RXRA: variants seen among roughly 807,000 people sequenced by gnomAD.
The protein encoded by RXRA is retinoid X receptor alpha.
RXRA carries 5 observed loss-of-function variants against 44.5 expected under a neutral mutation model. That is an observed-to-expected ratio of 0.11 (90% CI 0.06 to 0.24). RXRA has a LOEUF of 0.24. Ranked by LOEUF, RXRA falls within the 10% of genes least tolerant of loss-of-function variation. The pLI is 1.00. For missense variants in RXRA, 412 were observed against 646.5 expected, an observed-to-expected ratio of 0.64 and a Z score of 3.93; for synonymous variants, 291 against 271.4, an observed-to-expected ratio of 1.07 and a Z score of -0.71.
chr9:134,408,070 A>G lies in RXRA; in HGVS notation c.280-79A>G, dbSNP rs999125167. 33 of 1,124,300 alleles carry G rather than the reference A, an allele frequency of 2.9e-5. No individual in the cohort carries two copies. The Admixed American group carries it at 8.7e-4, about 30-fold the overall frequency. The allele number at this position is 1,124,300 out of a possible 1,614,324, so 69.6% of individuals were successfully genotyped here. A position where few individuals can be genotyped will look rare whatever the true frequency, so the allele number is the denominator to read the frequency against. ...GTGAAGTTGGGGGTACAGCTGCGCC[A>G]TCCTTGCTGCAGGGCCGTGGGGGAC... On this transcript the variant is annotated intron_variant, in intron 2 of 9. Transcript: ENST00000481739.
chr9:134,351,489 G>C lies in RXRA; in HGVS notation c.28+24830G>C, dbSNP rs186232794. On this transcript the variant is annotated intron_variant, in intron 1 of 9. Coordinates refer to ENST00000481739, the MANE Select transcript of RXRA (RefSeq NM_002957.6). Reference sequence around the variant, plus strand: ...AACTCTGCGTCTTCCCATGTGGGGAGCCCCAATAGGGCAGGGATCCTTCAC... The same window carrying C: ...AACTCTGCGTCTTCCCATGTGGGGACCCCCAATAGGGCAGGGATCCTTCAC... Among the ~76,000 whole-genome samples the C allele has an allele frequency of 6.3e-3, 955 of 152,342 alleles. 5 individuals carry two copies. Among genetic ancestry groups the C allele is most frequent in the South Asian group, 0.018 (86 of 4,830 alleles).
chr9:134,413,088 C>G (rs1455153950), intron 4 of RXRA, among the ~76,000 whole-genome samples: 1 of 152,136 alleles, frequency 6.6e-6, no homozygotes, highest in Non-Finnish European at 1.5e-5. Flanking sequence ...TCGAGTGTGG[C>G]CCTCTTGCCT....
In RXRA at chr9:134,436,491, G is replaced by A. The variant is rs766193481; in HGVS notation, c.1266G>A (p.Leu422=). ...GGTTCGCTAAGCTCTTGCTCCGCCT[G>A]CCGGCTCTGCGCTCCATCGGGCTCA... is the stretch of plus-strand genomic sequence containing the variant. ...PGRFAKLLLR[L]PALRSIGLKC... Residue 422 remains leucine, a synonymous_variant, in exon 10 of 10, where the codon CTG becomes CTA. Transcript: ENST00000481739. 54 of 1,614,020 alleles carry A rather than the reference G, an allele frequency of 3.3e-5. No homozygotes were observed. The highest frequency in any genetic ancestry group is 1.3e-5 in the African/African-American group (1 of 74,956).
chr9:134,367,663 A>G (rs1830431352), intron 1 of RXRA, among the ~76,000 whole-genome samples: 1 of 152,102 alleles, frequency 6.6e-6, no homozygotes, highest in South Asian at 2.1e-4. Context: ...GGGGGCCTCA[A>G]CTTGCCTGCC....
At chr9:134,392,062 C>A (rs1209757595) in intron 1 of RXRA, among the ~76,000 whole-genome samples, 2 of 152,262 alleles carry the variant, frequency 1.3e-5, no homozygotes, top group Non-Finnish European at 2.9e-5. Flanking sequence ...GGGGCCGTGA[C>A]AGTCACCTGG....
intron 1 of RXRA, among the ~76,000 whole-genome samples, chr9:134,372,735 AC>A (rs1190991749): frequency 9.2e-5 from 14 of 152,226 alleles, no homozygotes; most frequent in African/African-American, 3.4e-4. Context: ...GGACTCTACC[AC>A]CTCAGAGGGT....
At chr9:134,334,883 T>C (rs1829971789) in intron 1 of RXRA, among the ~76,000 whole-genome samples, 1 of 152,156 alleles carries the variant, frequency 6.6e-6, no homozygotes, top group Non-Finnish European at 1.5e-5. Flanking sequence ...TGGGTCTGGA[T>C]GTGGACTGGG....
chr9:134,436,504 T>C lies in RXRA; in HGVS notation c.1279T>C (p.Ser427Pro). The part of the protein sequence containing the change: ...KLLLRLPALR[S>P]IGLKCLEHLF... Reference sequence around the variant, plus strand: ...CTTGCTCCGCCTGCCGGCTCTGCGCTCCATCGGGCTCAAATGCCTGGAACA... The same window carrying C: ...CTTGCTCCGCCTGCCGGCTCTGCGCCCCATCGGGCTCAAATGCCTGGAACA... The change falls in exon 10 of 10, where the codon TCC becomes CCC. Residue 427 changes from serine to proline, a missense_variant. Transcript: ENST00000481739. The C allele has an allele frequency of 6.2e-7, 1 of 1,614,164 alleles. No individual in the cohort carries two copies. The highest frequency in any genetic ancestry group is 1.3e-5 in the African/African-American group (1 of 75,064).
chr9:134,379,407 T>C, intron 1 of RXRA: 1 of 987,458 alleles, frequency 1.0e-6, no homozygotes, highest in Non-Finnish European at 1.2e-6. Context: ...CACCCTGAGA[T>C]GGGGCCTCCC....
chr9:134,434,344 CA>C, intron 9 of RXRA, 137 bp downstream of exon 9: 1 of 637,424 alleles, frequency 1.6e-6, no homozygotes, highest in South Asian at 1.9e-5. Context: ...AGGTCCTGAG[CA>C]GGCAGCAGGA....
At chr9:134,424,681 G>A (rs1235967889) in intron 6 of RXRA, 2 of 985,338 alleles carry the variant, frequency 2.0e-6, no homozygotes, top group East Asian at 2.3e-4. Context: ...ATTCAGATGT[G>A]GAACACTGGA....
chr9:134,332,979 C>T (rs764644095), intron 1 of RXRA, among the ~76,000 whole-genome samples: 4 of 152,144 alleles, frequency 2.6e-5, no homozygotes, highest in Non-Finnish European at 5.9e-5. Context: ...TTCCCGGGCA[C>T]GGGTATGGGT....
chr9:134,434,861 C>CGG (rs1381823847), intron 9 of RXRA, among the ~76,000 whole-genome samples: 38 of 101,804 alleles, frequency 3.7e-4, no homozygotes, highest in African/African-American at 1.2e-3. Flanking sequence ...GACTGTGGGG[C>CGG]GGGGAGGGGG....
At chr9:134,351,711 C>T (rs1389525237) in intron 1 of RXRA, among the ~76,000 whole-genome samples, 1 of 152,256 alleles carries the variant, frequency 6.6e-6, no homozygotes, top group Non-Finnish European at 1.5e-5. Flanking sequence ...GTTCTGCGGC[C>T]CTCTTTAATT....
At chr9:134,363,460 G>T (rs1409257538) in intron 1 of RXRA, among the ~76,000 whole-genome samples, 1 of 152,234 alleles carries the variant, frequency 6.6e-6, no homozygotes, top group African/African-American at 2.4e-5. Context: ...CATGGGCCTG[G>T]TGTGGCACCA....
intron 7 of RXRA, among the ~76,000 whole-genome samples, chr9:134,431,117 A>T (rs1442359467): frequency 6.6e-6 from 1 of 152,228 alleles, no homozygotes; most frequent in East Asian, 1.9e-4. Context: ...TCCTTAGGCA[A>T]CCATCCCCAC....
intron 1 of RXRA, among the ~76,000 whole-genome samples, chr9:134,384,869 AGCACCGCCT>A (rs1830696205): frequency 1.3e-5 from 2 of 152,114 alleles, no homozygotes; most frequent in Admixed American, 1.3e-4. Flanking sequence ...TCCAGTCCTG[AGCACCGCCT>A]GCAGAAGGGT....
Position 134,436,464 on chromosome 9 carries a change from C to T in RXRA, c.1242-3C>T. ...CGGCCCTCACCAGACCTGTTCCCTG[C>T]AGGTTCGCTAAGCTCTTGCTCCGCC... is the stretch of plus-strand genomic sequence containing the variant. On this transcript the variant is annotated splice_polypyrimidine_tract_variant and splice_region_variant and intron_variant, in intron 9 of 9. Transcript: ENST00000481739. 1 of 1,613,732 alleles carries T rather than the reference C, an allele frequency of 6.2e-7. No individual in the cohort carries two copies. Among genetic ancestry groups the T allele is most frequent in the Non-Finnish European group, 8.5e-7 (1 of 1,179,906 alleles).
In RXRA at chr9:134,391,634, A is replaced by G. The variant is rs1026633775; in HGVS notation, c.29-9998A>G. On this transcript the variant is annotated intron_variant, in intron 1 of 9. Transcript: ENST00000481739. ...GCCTGGAAGGGAGGCTGCGCTGCCC[A>G]GGAGCCCCTGCCTGGCCCTGGAGAG... is the stretch of plus-strand genomic sequence containing the variant. 3.9e-5 allele frequency among the ~76,000 whole-genome samples: 6 copies of G among 152,266 alleles called. No homozygotes were observed. The South Asian group carries it at 8.3e-4, about 21-fold the overall frequency.
Sources: gnomAD v4.1 joint callset for allele counts (sites outside exome capture counted in the v4.1 genomes callset) on GRCh38, gnomAD v4.1.1 for gene constraint, MANE v1.5 for transcripts, NCBI Gene and HGNC (gene_info 2026-07-23, HGNC 2026-07-21) for gene names.